EAF2: variants seen among roughly 807,000 people sequenced by gnomAD.
EAF2 encodes ELL-associated factor 2.
EAF2 carries 29 observed loss-of-function variants against 29.4 expected under a neutral mutation model. That is an observed-to-expected ratio of 0.99 (90% CI 0.73 to 1.35). EAF2 has a LOEUF of 1.35. Among genes scored for constraint, EAF2 ranks in the 40% most tolerant of loss-of-function variants. EAF2 has a pLI of 0.00. For missense variants in EAF2, 292 were observed against 312.0 expected, an observed-to-expected ratio of 0.94 and a Z score of 0.48; for synonymous variants, 103 against 102.5, an observed-to-expected ratio of 1.00 and a Z score of -0.03.
intron 4 of EAF2, among the ~76,000 whole-genome samples, chr3:121,868,286 TA>T (rs1454369548): frequency 3.3e-5 from 5 of 152,140 alleles, no homozygotes; most frequent in Non-Finnish European, 1.5e-5. Flanking sequence ...ACCATATTAA[TA>T]TCAGATAAAG....
At chr3:121,842,027 AT>A (rs1235934712) in intron 1 of EAF2, among the ~76,000 whole-genome samples, 1 of 151,730 alleles carries the variant, frequency 6.6e-6, no homozygotes, top group African/African-American at 2.4e-5. Context: ...AAATAAAAAA[AT>A]AAAAAAATTT....
chr3:121,868,669 A>G (rs1708963782), intron 4 of EAF2, among the ~76,000 whole-genome samples: 1 of 152,182 alleles, frequency 6.6e-6, no homozygotes, highest in South Asian at 2.1e-4. Flanking sequence ...TTTACCAGAA[A>G]GACATAAGTG....
chr3:121,836,648 T>A, intron 1 of EAF2: 1 of 987,842 alleles, frequency 1.0e-6, no homozygotes, highest in Non-Finnish European at 1.2e-6. Context: ...CATCCAGAGC[T>A]CCCCACGATG....
At chr3:121,865,872 A>G (rs947364500) in intron 4 of EAF2, among the ~76,000 whole-genome samples, 1 of 152,016 alleles carries the variant, frequency 6.6e-6, no homozygotes, top group Admixed American at 6.6e-5. Flanking sequence ...CTGCAAGTAG[A>G]ATTCTACTGT....
intron 5 of EAF2, 61 bp downstream of exon 5, chr3:121,872,849 T>C: frequency 6.4e-7 from 1 of 1,559,838 alleles, no homozygotes; most frequent in South Asian, 1.2e-5. Context: ...GCCATATTGA[T>C]TGTGACCTAA....
intron 1 of EAF2, among the ~76,000 whole-genome samples, chr3:121,841,495 A>AC (rs1307140409): frequency 8.2e-6 from 1 of 121,402 alleles, no homozygotes; most frequent in Non-Finnish European, 1.7e-5. Flanking sequence ...GCAGAGGGAG[A>AC]CCCTGTCTCA....
intron 1 of EAF2, among the ~76,000 whole-genome samples, chr3:121,843,026 C>T (rs79584004): frequency 0.12 from 18,526 of 152,134 alleles, 1,276 homozygotes; most frequent in African/African-American, 0.17. Context: ...GAATAAGCAT[C>T]AAGATCTTAT....
intron 2 of EAF2, among the ~76,000 whole-genome samples, chr3:121,847,026 C>A (rs544916624): frequency 6.6e-6 from 1 of 152,292 alleles, no homozygotes; most frequent in East Asian, 1.9e-4. Context: ...CACCACCGCT[C>A]CTTTCCACAA....
intron 5 of EAF2, among the ~76,000 whole-genome samples, chr3:121,876,380 G>A (rs1344660251): frequency 1.3e-5 from 2 of 151,546 alleles, no homozygotes; most frequent in Non-Finnish European, 2.9e-5. Flanking sequence ...ATTATTAACA[G>A]ACATATATAT....
At chr3:121,860,649 G>GT (rs1410349493) in intron 4 of EAF2, among the ~76,000 whole-genome samples, 3 of 151,842 alleles carry the variant, frequency 2.0e-5, no homozygotes, top group South Asian at 2.1e-4. Context: ...TTTTTGAAGG[G>GT]TTTTTTGTGT....
In EAF2 at chr3:121,885,257, ACT is replaced by A. The variant is rs543907733; in HGVS notation, c.737-1082_737-1081del. On this transcript the variant is annotated intron_variant, in intron 5 of 5. Coordinates refer to ENST00000273668, the MANE Select transcript of EAF2 (RefSeq NM_018456.6). The stretch of plus-strand genomic sequence containing the variant: ...TTCAATGTTTTAATTAGTCCTATAA[ACT>A]CTGTCTTCAAAGTACATTATGAATC... Among the ~76,000 whole-genome samples the A allele has an allele frequency of 5.0e-3, 756 of 152,138 alleles. 3 individuals carry two copies. The highest frequency in any genetic ancestry group is 0.017 in the Middle Eastern group (5 of 294).
intron 4 of EAF2, among the ~76,000 whole-genome samples, chr3:121,864,177 G>A (rs1319488649): frequency 6.6e-6 from 1 of 152,156 alleles, no homozygotes; most frequent in African/African-American, 2.4e-5. Flanking sequence ...GGTTATCAAT[G>A]TTGTAGTAAT....
chr3:121,849,937 T>C lies in EAF2; in HGVS notation c.202-4750T>C, dbSNP rs148736613. Among the ~76,000 whole-genome samples the C allele has an allele frequency of 2.2e-3, 330 of 150,792 alleles. 7 individuals carry two copies. In the East Asian group the frequency reaches 0.043, roughly 20 times the overall value. Reference sequence around the variant, plus strand: ...TACTTCTCTGATATATATATATATGTATGTATATATATATATATCAACCTT... The same window carrying C: ...TACTTCTCTGATATATATATATATGCATGTATATATATATATATCAACCTT... On this transcript the variant is annotated intron_variant, in intron 2 of 5. Coordinates refer to ENST00000273668, the MANE Select transcript of EAF2 (RefSeq NM_018456.6).
intron 4 of EAF2, among the ~76,000 whole-genome samples, chr3:121,868,637 T>C (rs1231987409): frequency 6.6e-6 from 1 of 152,048 alleles, no homozygotes; most frequent in Non-Finnish European, 1.5e-5. Context: ...AAGAGGTACA[T>C]TAACAATGAT....
chr3:121,882,584 AATATG>A (rs1488112998), intron 5 of EAF2, among the ~76,000 whole-genome samples: 8 of 152,186 alleles, frequency 5.3e-5, no homozygotes, highest in African/African-American at 1.7e-4. Flanking sequence ...AAGTAAAAGA[AATATG>A]ATATAAGAAT....
At chr3:121,868,278 C>A (rs981341384) in intron 4 of EAF2, among the ~76,000 whole-genome samples, 2 of 151,958 alleles carry the variant, frequency 1.3e-5, no homozygotes, top group Non-Finnish European at 1.5e-5. Flanking sequence ...AACATGTGAC[C>A]ATATTAATAT....
chr3:121,848,174 A>G (rs1288542576), intron 2 of EAF2, among the ~76,000 whole-genome samples: 1 of 152,204 alleles, frequency 6.6e-6, no homozygotes, highest in Non-Finnish European at 1.5e-5. Flanking sequence ...CATTTTGGAC[A>G]TGGAATTGTT....
At chr3:121,863,734 G>A in intron 4 of EAF2, among the ~76,000 whole-genome samples, 1 of 151,978 alleles carries the variant, frequency 6.6e-6, no homozygotes, top group East Asian at 1.9e-4. Context: ...GACGAACCCA[G>A]TACCTCAGTT....
intron 1 of EAF2, chr3:121,836,568 G>A (rs931531317): frequency 1.7e-5 from 15 of 886,510 alleles, no homozygotes; most frequent in Non-Finnish European, 2.0e-5. Context: ...AGAATAAATG[G>A]GTGAGATATT....
Sources: gnomAD v4.1 joint callset for allele counts (sites outside exome capture counted in the v4.1 genomes callset) on GRCh38, gnomAD v4.1.1 for gene constraint, MANE v1.5 for transcripts, NCBI Gene and HGNC (gene_info 2026-07-23, HGNC 2026-07-21) for gene names.